The following NMBR variants were observed in gnomAD, a reference collection of about 807,000 sequenced individuals.
The protein encoded by NMBR is neuromedin-B receptor.
In NMBR, 16 loss-of-function variants were observed where a neutral mutation model predicts 20.5. That is an observed-to-expected ratio of 0.78 (90% CI 0.53 to 1.19). The LOEUF (loss-of-function observed/expected upper bound fraction) is 1.19. Among genes scored for constraint, NMBR ranks in the 50% most tolerant of loss-of-function variants. NMBR has a pLI of 0.00. For missense variants in NMBR, 582 were observed against 499.1 expected (o/e 1.17, Z -1.58); for synonymous variants, 212 against 196.6 (o/e 1.08, Z -0.65).
chr6:142,124,851 A>T (rs1778003717), intron 1 of NMBR, among the ~76,000 whole-genome samples: 1 of 151,940 alleles, frequency 6.6e-6, no homozygotes, highest in Non-Finnish European at 1.5e-5. Context: ...TATAAGAATT[A>T]GAATCATAAA....
intron 1 of NMBR, among the ~76,000 whole-genome samples, chr6:142,123,574 T>C (rs1424530386): frequency 6.6e-6 from 1 of 151,934 alleles, no homozygotes. Context: ...TGTGGCTGAC[T>C]TCATTGTCTT....
Position 142,074,971 on chromosome 6 carries a change from A to G in NMBR, c.*677T>C, listed in dbSNP as rs957301848. ...TCACATACTTAGAATTACAGATATG[A>G]ATTATTTCTATAAATTATGATTAAT... On this transcript the variant is annotated 3_prime_UTR_variant, in exon 4 of 4. Transcript: ENST00000258042. 3.9e-5 allele frequency among the ~76,000 whole-genome samples: 6 copies of G among 152,104 alleles called. No individual in the cohort carries two copies. The highest frequency in any genetic ancestry group is 8.8e-5 in the Non-Finnish European group (6 of 68,006).
chr6:142,134,780 T>C, intron 1 of NMBR: 3 of 692,878 alleles, frequency 4.3e-6, no homozygotes, highest in East Asian at 2.7e-5. Flanking sequence ...AACATGATTA[T>C]AAGATGCATG....
In NMBR at chr6:142,076,050, C is replaced by T. The variant is rs765866814; in HGVS notation, c.772-1G>A. 3.2e-6 allele frequency: 5 copies of T among 1,561,398 alleles called. No homozygotes were observed. Among genetic ancestry groups the T allele is most frequent in the Non-Finnish European group, 3.5e-6 (4 of 1,157,706 alleles). ...TAGCCAGGCGTTTCCGTGTTTCCAT[C>T]TGCAAATATAAGAAATTGATCCCAT... On this transcript the variant is annotated splice_acceptor_variant, in intron 3 of 3. Coordinates refer to ENST00000258042, the MANE Select transcript of NMBR (RefSeq NM_002511.4). LOFTEE classifies it high-confidence loss of function.
chr6:142,099,120 A>C (rs1289227112), intron 1 of NMBR, among the ~76,000 whole-genome samples: 2 of 152,172 alleles, frequency 1.3e-5, no homozygotes, highest in Non-Finnish European at 2.9e-5. Flanking sequence ...AAAGAAATGA[A>C]CCTAGACATA....
At chr6:142,106,138 T>C (rs988451468) in intron 1 of NMBR, among the ~76,000 whole-genome samples, 1 of 152,204 alleles carries the variant, frequency 6.6e-6, no homozygotes, top group Non-Finnish European at 1.5e-5. Context: ...ATGAAGGTTA[T>C]GACCTGTCTG....
intron 1 of NMBR, among the ~76,000 whole-genome samples, chr6:142,142,662 CAT>C (rs977594116): frequency 6.6e-6 from 1 of 151,560 alleles, no homozygotes; most frequent in Non-Finnish European, 1.5e-5. Context: ...ACAAAATAAA[CAT>C]ATATATATAA....
At chr6:142,109,143 T>C (rs556130659) in intron 1 of NMBR, among the ~76,000 whole-genome samples, 1 of 152,290 alleles carries the variant, frequency 6.6e-6, no homozygotes, top group African/African-American at 2.4e-5. Context: ...TAGCTTGCAT[T>C]GCGAGTCTGA....
At chr6:142,128,628 T>C (rs1205127593) in intron 1 of NMBR, among the ~76,000 whole-genome samples, 2 of 152,144 alleles carry the variant, frequency 1.3e-5, no homozygotes, top group Non-Finnish European at 2.9e-5. Context: ...GAAATGATCA[T>C]GTGGTTTTTG....
At position 142,111,482 on chromosome 6, in the gene NMBR, A is replaced by G. The variant is rs188444750; in HGVS notation, c.-663-22161T>C. Among the ~76,000 whole-genome samples, 225 of 152,348 alleles carry G rather than the reference A, an allele frequency of 1.5e-3. 1 individual carries two copies. The highest frequency in any genetic ancestry group is 4.2e-3 in the African/African-American group (176 of 41,582). ...ATAATATGATTTCTCGGAATTTTCC[A>G]ATTATTAATATTACTTGTAAAAAAC... On this transcript the variant is annotated intron_variant, in intron 1 of 3. Coordinates refer to ENST00000258042, the MANE Select transcript of NMBR (RefSeq NM_002511.4).
chr6:142,078,975 A>G (rs1582834040), intron 2 of NMBR, 72 bp from the exon 3 acceptor site: 2 of 1,113,990 alleles, frequency 1.8e-6, no homozygotes, highest in South Asian at 1.8e-5. Flanking sequence ...AGAAAGAAAG[A>G]AAAAGAAAGG....
intron 1 of NMBR, among the ~76,000 whole-genome samples, chr6:142,094,936 T>A (rs891629940): frequency 6.6e-6 from 1 of 152,218 alleles, no homozygotes; most frequent in East Asian, 1.9e-4. Context: ...AATTCACTCA[T>A]GATTTGGTTC....
intron 1 of NMBR, among the ~76,000 whole-genome samples, chr6:142,118,809 G>C (rs1328168839): frequency 6.6e-6 from 1 of 151,980 alleles, no homozygotes; most frequent in Non-Finnish European, 1.5e-5. Context: ...AAGGGTGAGA[G>C]TAGCAGATTG....
chr6:142,114,904 A>G (rs1379715655), intron 1 of NMBR, among the ~76,000 whole-genome samples: 1 of 152,108 alleles, frequency 6.6e-6, no homozygotes, highest in Non-Finnish European at 1.5e-5. Flanking sequence ...ACAAAACTAA[A>G]TCTAGAGCAG....
intron 1 of NMBR, among the ~76,000 whole-genome samples, chr6:142,126,828 TA>T (rs1778048706): frequency 1.4e-5 from 2 of 147,580 alleles, no homozygotes; most frequent in Non-Finnish European, 3.0e-5. Flanking sequence ...TATTAACCCT[TA>T]TCAGATATAC....
chr6:142,134,007 A>G (rs1343841166), intron 1 of NMBR: 3 of 702,330 alleles, frequency 4.3e-6, no homozygotes, highest in Middle Eastern at 4.6e-4. Flanking sequence ...TTCTGTTACA[A>G]TCAGTTCAGG....
At chr6:142,143,089 A>T (rs948028480) in intron 1 of NMBR, among the ~76,000 whole-genome samples, 28 of 152,130 alleles carry the variant, frequency 1.8e-4, no homozygotes, top group African/African-American at 6.8e-4. Flanking sequence ...TAACTTTAAA[A>T]ATATATATAA....
chr6:142,088,865 A>AG lies in NMBR; in HGVS notation c.-208dup. The AG allele has an allele frequency of 2.0e-6, 1 of 492,014 alleles. No individual in the cohort carries two copies. The highest frequency in any genetic ancestry group is 3.0e-5 in the East Asian group (1 of 33,008). The allele number at this position is 492,014 out of a possible 1,614,324, so 30.5% of individuals were successfully genotyped here. Reference sequence around the variant, plus strand: ...ACACACTCGGGCGCTCCGCTTCTAGAGGGGGGAAATGGCTCCGGCTAACTC... The same window carrying AG: ...ACACACTCGGGCGCTCCGCTTCTAGAGGGGGGGAAATGGCTCCGGCTAACTC... On this transcript the variant is annotated 5_prime_UTR_variant, in exon 2 of 4. Transcript: ENST00000258042.
intron 3 of NMBR, among the ~76,000 whole-genome samples, chr6:142,077,004 A>T (rs116611787): frequency 0.013 from 1,973 of 152,322 alleles, 49 homozygotes; most frequent in African/African-American, 0.045. Context: ...AAAACTGAAG[A>T]GGAACCCAGG....
Sources: allele counts gnomAD v4.1 joint callset (sites outside exome capture counted in the v4.1 genomes callset), GRCh38; gene constraint gnomAD v4.1.1; transcripts MANE v1.5; gene names NCBI Gene and HGNC (gene_info 2026-07-23, HGNC 2026-07-21).